P2RY8: variants seen among roughly 807,000 people sequenced by gnomAD.
P2RY8 encodes the protein S-geranylgeranyl-glutathione receptor P2RY8.
P2RY8 carries 6 observed loss-of-function variants against 10.0 expected under a neutral mutation model. The ratio of observed to expected loss-of-function variants is 0.60; its 90% CI spans 0.33 to 1.19. The LOEUF (loss-of-function observed/expected upper bound fraction) is 1.19. P2RY8 is among the 50% of genes most tolerant of loss of function. The pLI is 0.04. For synonymous variants in P2RY8, 276 were observed against 252.5 expected (o/e 1.09, Z -0.88); for missense variants, 456 against 542.0 (o/e 0.84, Z 1.58).
intron 1 of P2RY8, among the ~76,000 whole-genome samples, chrX:1,517,135 G>C (rs2092356958): frequency 1.3e-5 from 2 of 151,328 alleles, no homozygotes; most frequent in Non-Finnish European, 2.9e-5. Context: ...CCAGCCTCCA[G>C]GGCTGTGGGA....
At chrX:1,510,087 T>A (rs2092288060) in intron 1 of P2RY8, among the ~76,000 whole-genome samples, 1 of 152,162 alleles carries the variant, frequency 6.6e-6, no homozygotes, top group African/African-American at 2.4e-5. Flanking sequence ...TCTTTATACA[T>A]CTATCATCTA....
At chrX:1,477,118 G>A (rs1451415693) in intron 1 of P2RY8, among the ~76,000 whole-genome samples, 1 of 152,028 alleles carries the variant, frequency 6.6e-6, no homozygotes, top group Non-Finnish European at 1.5e-5. Context: ...GGACCTGGGA[G>A]GCGGAGGTTG....
At position 1,513,009 on chromosome X, in the gene P2RY8, C is replaced by G. The variant is rs189584543; in HGVS notation, c.-25+23912G>C. On this transcript the variant is annotated intron_variant, in intron 1 of 1. Coordinates refer to ENST00000381297, the MANE Select transcript of P2RY8 (RefSeq NM_178129.5). ...TGCATTGGGTATTTGTCCTAATGCT[C>G]TCCCTCCCCTTGCCCCCCCACCCCC... Among the ~76,000 whole-genome samples the G allele has an allele frequency of 9.2e-3, 1,391 of 151,696 alleles. 28 individuals carry two copies. Among genetic ancestry groups the G allele is most frequent in the African/African-American group, 0.032 (1,307 of 41,160 alleles).
At chrX:1,484,404 C>G (rs1244773017) in intron 1 of P2RY8, among the ~76,000 whole-genome samples, 1 of 152,008 alleles carries the variant, frequency 6.6e-6, no homozygotes, top group Admixed American at 6.6e-5. Context: ...AAAGCAGTAC[C>G]CATCCTAGGC....
intron 1 of P2RY8, among the ~76,000 whole-genome samples, chrX:1,497,757 T>C: frequency 6.6e-6 from 1 of 152,078 alleles, no homozygotes; most frequent in Non-Finnish European, 1.5e-5. Context: ...CTTGCTGAGG[T>C]GTGGAGTAGC....
At chrX:1,527,303 T>C (rs1371010625) in intron 1 of P2RY8, among the ~76,000 whole-genome samples, 3 of 152,096 alleles carry the variant, frequency 2.0e-5, no homozygotes, top group African/African-American at 7.2e-5. Context: ...TCATTCCTTA[T>C]CCATCCACTC....
intron 1 of P2RY8, among the ~76,000 whole-genome samples, chrX:1,512,659 A>G (rs1226633952): frequency 6.6e-6 from 1 of 152,038 alleles, no homozygotes; most frequent in Non-Finnish European, 1.5e-5. Context: ...TCATGGCGGA[A>G]GGCAAAGGAG....
intron 1 of P2RY8, among the ~76,000 whole-genome samples, chrX:1,501,014 G>A (rs1209865131): frequency 9.9e-5 from 15 of 152,144 alleles, no homozygotes; most frequent in African/African-American, 3.4e-4. Context: ...TGAATCTCTC[G>A]GTTCTGTCCT....
chrX:1,491,676 A>G (rs755566622), intron 1 of P2RY8, among the ~76,000 whole-genome samples: 2 of 152,250 alleles, frequency 1.3e-5, no homozygotes, highest in Non-Finnish European at 2.9e-5. Flanking sequence ...CCACTCTGAG[A>G]ATACAGAGCG....
chrX:1,479,063 T>G (rs1343077906), intron 1 of P2RY8, among the ~76,000 whole-genome samples: 1 of 152,218 alleles, frequency 6.6e-6, no homozygotes, highest in East Asian at 1.9e-4. Context: ...TTTGGTTTAA[T>G]TTTTAGATCT....
At chrX:1,514,928 G>C (rs2092334217) in intron 1 of P2RY8, among the ~76,000 whole-genome samples, 1 of 110,024 alleles carries the variant, frequency 9.1e-6, no homozygotes, top group African/African-American at 3.5e-5. Flanking sequence ...CCCTTTGACA[G>C]AGACTTGCTC....
intron 1 of P2RY8, 100 bp from the exon 2 acceptor site, chrX:1,466,682 G>A: frequency 5.0e-6 from 6 of 1,188,822 alleles, no homozygotes; most frequent in South Asian, 4.4e-5. Context: ...ACCAAGGCGG[G>A]GGAGATGCTT....
Position 1,463,111 on chromosome X carries a change from A to G in P2RY8, c.*2368T>C, listed in dbSNP as rs1405534409. Reference sequence around the variant, plus strand: ...ACTCAAGCTCTCATTTTTGTTTACAAGGCAGTTTAGGGATCGTCCGTGCGT... The same window carrying G: ...ACTCAAGCTCTCATTTTTGTTTACAGGGCAGTTTAGGGATCGTCCGTGCGT... On this transcript the variant is annotated 3_prime_UTR_variant, in exon 2 of 2. Coordinates refer to ENST00000381297, the MANE Select transcript of P2RY8 (RefSeq NM_178129.5). The G allele has an allele frequency of 4.3e-6, 1 of 232,998 alleles. No individual in the cohort carries two copies. Among genetic ancestry groups the G allele is most frequent in the Non-Finnish European group, 8.5e-6 (1 of 118,016 alleles). 14.4% of individuals were successfully genotyped at this position (232,998 alleles called of 1,614,324 possible).
chrX:1,500,633 C>T (rs1373658144), intron 1 of P2RY8, among the ~76,000 whole-genome samples: 1 of 151,886 alleles, frequency 6.6e-6, no homozygotes, highest in African/African-American at 2.4e-5. Context: ...TTGGTAGAGA[C>T]GGGGTTTCTA....
At chrX:1,512,715 A>G in intron 1 of P2RY8, among the ~76,000 whole-genome samples, 1 of 152,094 alleles carries the variant, frequency 6.6e-6, no homozygotes. Flanking sequence ...GAAAAGGGGA[A>G]AGTCCCCTTT....
intron 1 of P2RY8, among the ~76,000 whole-genome samples, chrX:1,521,913 T>G (rs1218327534): frequency 6.6e-6 from 1 of 151,442 alleles, no homozygotes; most frequent in African/African-American, 2.4e-5. Flanking sequence ...TGGTTATTTT[T>G]TCTTATGTCT....
chrX:1,499,945 G>C (rs1386488691), intron 1 of P2RY8, among the ~76,000 whole-genome samples: 2 of 148,152 alleles, frequency 1.3e-5, no homozygotes, highest in Non-Finnish European at 3.0e-5. Context: ...TGCAAGCTCC[G>C]CCTCCCGGGT....
At chrX:1,523,285 C>G (rs1569538648) in intron 1 of P2RY8, among the ~76,000 whole-genome samples, 1 of 151,878 alleles carries the variant, frequency 6.6e-6, no homozygotes, top group Non-Finnish European at 1.5e-5. Flanking sequence ...ATGGGGATGT[C>G]AGCAGAGCTT....
intron 1 of P2RY8, among the ~76,000 whole-genome samples, chrX:1,513,988 A>G (rs2092319656): frequency 6.6e-6 from 1 of 152,164 alleles, no homozygotes; most frequent in South Asian, 2.1e-4. Context: ...TTTTCAGCAA[A>G]CAAAGTCCTG....
Sources: gnomAD v4.1 joint callset for allele counts (sites outside exome capture counted in the v4.1 genomes callset) on GRCh38, gnomAD v4.1.1 for gene constraint, MANE v1.5 for transcripts, NCBI Gene and HGNC (gene_info 2026-07-23, HGNC 2026-07-21) for gene names.